INIP: variants seen among roughly 807,000 people sequenced by gnomAD.
INIP encodes INTS3 and NABP interacting protein.
A neutral mutation model predicts 14.0 loss-of-function variants in INIP; 9 were observed. The ratio of observed to expected loss-of-function variants is 0.64; its 90% CI spans 0.39 to 1.12. The LOEUF (loss-of-function observed/expected upper bound fraction) is 1.12. INIP is among the 50% of genes most tolerant of loss of function. The pLI, the probability that INIP is intolerant of heterozygous loss-of-function variation, is 0.01. For missense variants in INIP, 78 were observed against 122.7 expected, an observed-to-expected ratio of 0.64 and a Z score of 1.72; for synonymous variants, 37 against 41.5, an observed-to-expected ratio of 0.89 and a Z score of 0.41.
chr9:112,716,813 G>A (rs1838834236), intron 1 of INIP, among the ~76,000 whole-genome samples: 1 of 151,900 alleles, frequency 6.6e-6, no homozygotes. Flanking sequence ...AAATCAGCCG[G>A]GTGTGGTGGC....
intron 2 of INIP, among the ~76,000 whole-genome samples, chr9:112,710,913 G>C (rs191813428): frequency 6.6e-6 from 1 of 152,024 alleles, no homozygotes; most frequent in African/African-American, 2.4e-5. Flanking sequence ...GCTCACACTT[G>C]TAATTCCAAT....
At chr9:112,706,003 A>G (rs1838454537) in intron 2 of INIP, among the ~76,000 whole-genome samples, 3 of 152,220 alleles carry the variant, frequency 2.0e-5, no homozygotes, top group Admixed American at 2.0e-4. Context: ...AATAGATTAC[A>G]GGGTAGAAGA....
rs1188970827 is a variant in INIP at position 112,716,514 on chromosome 9, T to C, written c.-29A>G. 6.2e-7 allele frequency: 1 copy of C among 1,610,900 alleles called. No homozygotes were observed. Among genetic ancestry groups the C allele is most frequent in the Non-Finnish European group, 8.5e-7 (1 of 1,177,122 alleles). ...CCTATTTTGTTTCAAGTATGTCCAG[T>C]GGCAATTGGTCAGCACTTCACAATC... is the stretch of plus-strand genomic sequence containing the variant. On this transcript the variant is annotated 5_prime_UTR_variant, in exon 2 of 5. Coordinates refer to ENST00000374242, the MANE Select transcript of INIP (RefSeq NM_021218.3).
intron 3 of INIP, among the ~76,000 whole-genome samples, chr9:112,691,309 G>A (rs916578629): frequency 3.3e-5 from 5 of 152,332 alleles, no homozygotes; most frequent in Admixed American, 3.3e-4. Flanking sequence ...TTCTGACTTT[G>A]TAACTAGTAG....
chr9:112,712,823 T>C (rs1215508454), intron 2 of INIP, among the ~76,000 whole-genome samples: 2 of 152,188 alleles, frequency 1.3e-5, no homozygotes, highest in African/African-American at 2.4e-5. Flanking sequence ...ATTTGAATAA[T>C]GGATGGAAAC....
chr9:112,717,548 A>C (rs1838865385), intron 1 of INIP, among the ~76,000 whole-genome samples: 1 of 152,134 alleles, frequency 6.6e-6, no homozygotes, highest in Non-Finnish European at 1.5e-5. Context: ...AAAGCTTAAC[A>C]AACCCGCTCT....
chr9:112,706,087 C>G (rs1165570148), intron 2 of INIP, among the ~76,000 whole-genome samples: 1 of 151,918 alleles, frequency 6.6e-6, no homozygotes, highest in Non-Finnish European at 1.5e-5. Context: ...AGAAATAATG[C>G]AATATGAAAA....
intron 2 of INIP, among the ~76,000 whole-genome samples, chr9:112,696,606 A>G (rs1396520455): frequency 6.6e-6 from 1 of 152,152 alleles, no homozygotes; most frequent in Non-Finnish European, 1.5e-5. Context: ...GCTCAGTTCT[A>G]CAAGACTGCT....
At chr9:112,716,304 A>G (rs1030627449) in intron 2 of INIP, among the ~76,000 whole-genome samples, 157 bp downstream of exon 2, 23 of 152,264 alleles carry the variant, frequency 1.5e-4, no homozygotes, top group Non-Finnish European at 2.6e-4. Context: ...GGCCTCCCAA[A>G]GTACTGGGAT....
chr9:112,699,311 T>TA (rs879325035), intron 2 of INIP, among the ~76,000 whole-genome samples: 40 of 145,964 alleles, frequency 2.7e-4, no homozygotes, highest in Non-Finnish European at 2.7e-4. Flanking sequence ...ACCCTGTCTC[T>TA]AAAAAAAAAA....
intron 2 of INIP, among the ~76,000 whole-genome samples, chr9:112,698,889 G>A (rs1564230357): frequency 1.3e-5 from 2 of 152,014 alleles, no homozygotes; most frequent in Non-Finnish European, 2.9e-5. Context: ...CGTAGAGAAG[G>A]GAATTGTTCT....
In INIP at chr9:112,686,898, C is replaced by T. The variant is rs1837692537; in HGVS notation, c.*640G>A. The T allele has an allele frequency of 6.6e-6, 1 of 152,204 alleles. No individual in the cohort carries two copies. Among genetic ancestry groups the T allele is most frequent in the Non-Finnish European group, 1.5e-5 (1 of 68,036 alleles). The allele number at this position is 152,204 out of a possible 1,614,324, so 9.4% of individuals were successfully genotyped here. Reference sequence around the variant, plus strand: ...GAGGATGTACAAATTAAAAACCTACCACATTCCCTATTATTTTTAATTGCA... The same window carrying T: ...GAGGATGTACAAATTAAAAACCTACTACATTCCCTATTATTTTTAATTGCA... On this transcript the variant is annotated 3_prime_UTR_variant, in exon 5 of 5. Coordinates refer to ENST00000374242, the MANE Select transcript of INIP (RefSeq NM_021218.3).
chr9:112,716,366 C>T, intron 2 of INIP, 95 bp downstream of exon 2: 1 of 1,128,612 alleles, frequency 8.9e-7, no homozygotes, highest in Non-Finnish European at 1.3e-6. Context: ...TAAATTCTGG[C>T]TACAGTAACT....
intron 2 of INIP, among the ~76,000 whole-genome samples, chr9:112,704,015 T>C (rs1838379480): frequency 6.6e-6 from 1 of 152,210 alleles, no homozygotes; most frequent in South Asian, 2.1e-4. Context: ...AATACTTAGG[T>C]GTTTTGTTTC....
At chr9:112,691,111 G>A (rs1837870756) in intron 3 of INIP, among the ~76,000 whole-genome samples, 1 of 152,190 alleles carries the variant, frequency 6.6e-6, no homozygotes, top group South Asian at 2.1e-4. Flanking sequence ...AGAAGCGTAA[G>A]ACCACAGGAA....
chr9:112,688,951 G>A (rs786975), intron 4 of INIP, among the ~76,000 whole-genome samples: 21,294 of 151,806 alleles, frequency 0.14, 2,287 homozygotes, highest in African/African-American at 0.3. Context: ...ATGCCTATGG[G>A]AAAAAAATGT....
chr9:112,713,844 C>T (rs534454358), intron 2 of INIP, among the ~76,000 whole-genome samples: 4 of 152,124 alleles, frequency 2.6e-5, no homozygotes, highest in Admixed American at 1.3e-4. Flanking sequence ...ATTAGCCAGG[C>T]GCAGTGGCAC....
chr9:112,708,881 A>C (rs1294662420), intron 2 of INIP, among the ~76,000 whole-genome samples: 2 of 151,028 alleles, frequency 1.3e-5, no homozygotes, highest in Non-Finnish European at 2.9e-5. Flanking sequence ...CTCTAAATGG[A>C]TTCTAGGAAA....
At chr9:112,690,277 G>T (rs1435329677) in intron 3 of INIP, among the ~76,000 whole-genome samples, 2 of 152,104 alleles carry the variant, frequency 1.3e-5, no homozygotes, top group East Asian at 1.9e-4. Context: ...GATCATTTGA[G>T]CCCAGGAGTT....
Sources: gnomAD v4.1 joint callset for allele counts (sites outside exome capture counted in the v4.1 genomes callset) on GRCh38, gnomAD v4.1.1 for gene constraint, MANE v1.5 for transcripts, NCBI Gene and HGNC (gene_info 2026-07-23, HGNC 2026-07-21) for gene names.